ISM1: variants seen among roughly 807,000 people sequenced by gnomAD.
The protein encoded by ISM1 is isthmin-1.
A neutral mutation model predicts 46.3 loss-of-function variants in ISM1; 25 were observed. That is an observed-to-expected ratio of 0.54 (90% CI 0.39 to 0.75). ISM1 has a LOEUF of 0.75. ISM1 is among the 30% of genes least tolerant of loss of function. The pLI is 0.00. For missense variants in ISM1, 536 were observed against 625.4 expected (o/e 0.86, Z 1.52); for synonymous variants, 255 against 256.7 (o/e 0.99, Z 0.06).
At chr20:13,265,684 T>C (rs1335593129) in intron 1 of ISM1, among the ~76,000 whole-genome samples, 2 of 152,200 alleles carry the variant, frequency 1.3e-5, no homozygotes, top group Non-Finnish European at 2.9e-5. Flanking sequence ...AGTATTTGGT[T>C]GGTGCAAAAG....
At chr20:13,325,525 C>T in the ISM1 span, among the ~76,000 whole-genome samples, 190 of 152,262 alleles carry the variant, frequency 1.2e-3, 1 homozygote, top group Admixed American at 0.011. Flanking sequence ...ATAATATTCA[C>T]CTTTCCCCAA....
At position 13,288,617 on chromosome 20, in the gene ISM1, AC is replaced by A. The variant is rs1568687821; in HGVS notation, c.724del (p.Arg242GlyfsTer34). ...CTGCGGGAACGGCAACCAGAAACGGACCCGGTCTTGTGGCTACGCGTGCACT... is the reference window on the plus strand; with the variant it reads ...CTGCGGGAACGGCAACCAGAAACGGACCGGTCTTGTGGCTACGCGTGCACT... ...VTCGNGNQKRTRSCGYACTAT... is the reference protein window; with the variant it reads ...VTCGNGNQKRXRSCGYACTAT... On this transcript the variant is annotated frameshift_variant, in exon 4 of 6. Transcript: ENST00000262487. LOFTEE classifies it high-confidence loss of function. 1 of 1,613,932 alleles carries A rather than the reference AC, an allele frequency of 6.2e-7. No individual in the cohort carries two copies. The highest frequency in any genetic ancestry group is 8.5e-7 in the Non-Finnish European group (1 of 1,179,884).
rs1160382767 is a variant in ISM1 at position 13,221,879 on chromosome 20, G to A, written c.103G>A (p.Ala35Thr). 1.4e-6 allele frequency: 2 copies of A among 1,407,754 alleles called. No homozygotes were observed. The highest frequency in any genetic ancestry group is 1.5e-5 in the African/African-American group (1 of 66,602). The allele number at this position is 1,407,754 out of a possible 1,614,324, so 87.2% of individuals were successfully genotyped here. A position where few individuals can be genotyped will look rare whatever the true frequency, so the allele number is the denominator to read the frequency against. The change falls in exon 1 of 6, where the codon GCG (alanine) becomes ACG (threonine). Residue 35 changes from alanine to threonine, a missense_variant. Coordinates refer to ENST00000262487, the MANE Select transcript of ISM1 (RefSeq NM_080826.2). ...CTCGGGAGCCGCCGACGGGCCCGAC[G>A]CGGCCGCGGGCAACGCCAGCCAAGC... Reference protein sequence around the residue: ...RGSGAADGPDAAAGNASQAQL... With the variant: ...RGSGAADGPDTAAGNASQAQL...
chr20:13,259,053 C>T (rs933119979), intron 1 of ISM1, among the ~76,000 whole-genome samples: 9 of 152,044 alleles, frequency 5.9e-5, no homozygotes, highest in East Asian at 1.9e-4. Flanking sequence ...GAGGCCGAGG[C>T]GGGTGGATCA....
At chr20:13,238,555 T>C (rs928480756) in intron 1 of ISM1, among the ~76,000 whole-genome samples, 5 of 152,206 alleles carry the variant, frequency 3.3e-5, no homozygotes, top group African/African-American at 1.2e-4. Flanking sequence ...TCTCACAGAC[T>C]TATTAGCATT....
intron 1 of ISM1, among the ~76,000 whole-genome samples, chr20:13,261,925 T>G (rs940492859): frequency 6.6e-6 from 1 of 152,212 alleles, no homozygotes; most frequent in Non-Finnish European, 1.5e-5. Context: ...CTGGGCCTTA[T>G]ATCCCCTCAT....
At chr20:13,311,987 C>T in the ISM1 span, among the ~76,000 whole-genome samples, 1 of 152,046 alleles carries the variant, frequency 6.6e-6, no homozygotes, top group Non-Finnish European at 1.5e-5. Flanking sequence ...GCTTAATTTT[C>T]CCACAATGTA....
chr20:13,250,248 G>T (rs1359822695), intron 1 of ISM1, among the ~76,000 whole-genome samples: 1 of 152,066 alleles, frequency 6.6e-6, no homozygotes, highest in Admixed American at 6.6e-5. Flanking sequence ...TTATACACTG[G>T]GTACTGTGTC....
chr20:13,254,453 T>C (rs2039903976), intron 1 of ISM1, among the ~76,000 whole-genome samples: 1 of 150,898 alleles, frequency 6.6e-6, no homozygotes, highest in Admixed American at 6.6e-5. Context: ...GAGAGCAAAA[T>C]ACCTGCCCCC....
At chr20:13,286,775 G>A (rs914030813) in intron 3 of ISM1, among the ~76,000 whole-genome samples, 6 of 152,192 alleles carry the variant, frequency 3.9e-5, no homozygotes, top group African/African-American at 7.2e-5. Context: ...AGGCTGGCAC[G>A]GGCCCACATT....
rs533171698 is a variant in ISM1, at chr20:13,224,885, G to T, written c.138+2971G>T. The stretch of plus-strand genomic sequence containing the variant: ...TTTTGAGACGCAGTCTTGCTCTGTC[G>T]CCCAGGCTGGAGTGCAGTGGCGCGA... On this transcript the variant is annotated intron_variant, in intron 1 of 5. Coordinates refer to ENST00000262487, the MANE Select transcript of ISM1 (RefSeq NM_080826.2). 3.1e-5 allele frequency among the ~76,000 whole-genome samples: 4 copies of T among 127,184 alleles called. No individual in the cohort carries two copies. The East Asian group carries it at 9.2e-4, about 29-fold the overall frequency. The allele number at this position is 127,184 out of a possible 152,430, so 83.4% of individuals were successfully genotyped here.
At chr20:13,222,390 G>A (rs1239323272) in intron 1 of ISM1, among the ~76,000 whole-genome samples, 1 of 152,050 alleles carries the variant, frequency 6.6e-6, no homozygotes, top group African/African-American at 2.4e-5. Flanking sequence ...AATGCCAAAG[G>A]TCAGGACATA....
chr20:13,299,511 T>C lies in ISM1; in HGVS notation c.*52T>C, dbSNP rs1211683573. The C allele has an allele frequency of 3.9e-6, 6 of 1,527,598 alleles. No individual in the cohort carries two copies. The African/African-American group carries it at 8.2e-5, about 21-fold the overall frequency. The allele number at this position is 1,527,598 out of a possible 1,614,324, so 94.6% of individuals were successfully genotyped here. On this transcript the variant is annotated 3_prime_UTR_variant, in exon 6 of 6. Transcript: ENST00000262487. The surrounding 1 kb of genome is among the most constrained non-coding windows in gnomAD (Gnocchi z 5.8). The stretch of plus-strand genomic sequence containing the variant: ...TGCCTCTGGTTCTGGAGCACACACG[T>C]GCTGCACTGACGTGCCGACTGGCGC...
intron 4 of ISM1, among the ~76,000 whole-genome samples, chr20:13,290,744 C>A (rs1480689120): frequency 6.6e-6 from 1 of 152,104 alleles, no homozygotes; most frequent in Admixed American, 6.5e-5. Context: ...TTTTTGAGTA[C>A]TTAAGTGTCA....
intron 1 of ISM1, among the ~76,000 whole-genome samples, chr20:13,223,513 G>A (rs1024941008): frequency 6.6e-6 from 1 of 152,172 alleles, no homozygotes; most frequent in Non-Finnish European, 1.5e-5. Flanking sequence ...CCAAACTCTT[G>A]ATTACACCAA....
intron 4 of ISM1, among the ~76,000 whole-genome samples, chr20:13,291,138 T>C (rs926048063): frequency 3.3e-5 from 5 of 152,192 alleles, no homozygotes; most frequent in Non-Finnish European, 7.4e-5. Context: ...TCTGCCTCCA[T>C]TTACAAATGT....
intron 1 of ISM1, among the ~76,000 whole-genome samples, chr20:13,248,746 G>A (rs1045929437): frequency 3.3e-5 from 5 of 152,196 alleles, no homozygotes; most frequent in South Asian, 2.1e-4. Context: ...TTTTGAGGCC[G>A]TTCCCTTGAT....
chr20:13,236,994 C>G (rs1179994199), intron 1 of ISM1, among the ~76,000 whole-genome samples: 1 of 152,184 alleles, frequency 6.6e-6, no homozygotes, highest in Non-Finnish European at 1.5e-5. Flanking sequence ...ATCTGGAGGA[C>G]AGTGGCCCTC....
At chr20:13,319,635 T>C in the ISM1 span, among the ~76,000 whole-genome samples, 1 of 152,170 alleles carries the variant, frequency 6.6e-6, no homozygotes, top group Non-Finnish European at 1.5e-5. Context: ...ACAAAAAGGA[T>C]TGGTTTCCAG....
Sources: allele counts gnomAD v4.1 joint callset (sites outside exome capture counted in the v4.1 genomes callset), GRCh38; gene constraint gnomAD v4.1.1; non-coding constraint Gnocchi (gnomAD v3.1); transcripts MANE v1.5; gene names NCBI Gene and HGNC (gene_info 2026-07-23, HGNC 2026-07-21).